NRG3: variants seen among roughly 807,000 people sequenced by gnomAD.
NRG3 encodes the protein neuregulin 3, also known as pro-neuregulin-3, membrane-bound isoform.
NRG3 carries 31 observed loss-of-function variants against 66.9 expected under a neutral mutation model. That is an observed-to-expected ratio of 0.46 (90% confidence interval 0.35 to 0.63). The LOEUF is 0.63. Among genes scored for constraint, NRG3 ranks in the 20% least tolerant of loss-of-function variants. The probability of loss-of-function intolerance (pLI) is 0.00; values close to 1 mark genes in which losing one functional copy is unlikely to be tolerated. For synonymous variants in NRG3, 393 were observed against 359.4 expected, an observed-to-expected ratio of 1.09 and a Z score of -1.06; for missense variants, 910 against 878.9, an observed-to-expected ratio of 1.04 and a Z score of -0.45.
In NRG3 at chr10:82,087,498, A is replaced by G. The variant is rs74593430; in HGVS notation, c.823+211335A>G. Reference sequence around the variant, plus strand: ...GCCTCTCAAGTTGTTTGTAAACTCTATTTTATAGTTACAGTCCACCCAACA... The same window carrying G: ...GCCTCTCAAGTTGTTTGTAAACTCTGTTTTATAGTTACAGTCCACCCAACA... On this transcript the variant is annotated intron_variant, in intron 1 of 8. Transcript: ENST00000372141. 2.3e-3 allele frequency among the ~76,000 whole-genome samples: 348 copies of G among 152,132 alleles called. 4 individuals are homozygous for G. Among genetic ancestry groups the G allele is most frequent in the African/African-American group, 8.1e-3 (336 of 41,470 alleles).
intron 1 of NRG3, among the ~76,000 whole-genome samples, chr10:82,159,459 C>T (rs781181532): frequency 6.6e-6 from 1 of 151,806 alleles, no homozygotes; most frequent in Non-Finnish European, 1.5e-5. Flanking sequence ...TGGACTCATC[C>T]TTTAGGATTT....
chr10:82,182,869 A>AT (rs2073531598), intron 1 of NRG3, among the ~76,000 whole-genome samples: 1 of 151,864 alleles, frequency 6.6e-6, no homozygotes, highest in Non-Finnish European at 1.5e-5. Flanking sequence ...ACATACCTTC[A>AT]TTTTTTAAGG....
intron 1 of NRG3, among the ~76,000 whole-genome samples, chr10:82,049,836 C>T (rs1255028088): frequency 6.6e-6 from 1 of 151,906 alleles, no homozygotes; most frequent in African/African-American, 2.4e-5. Flanking sequence ...TGTGACCCTG[C>T]TGGTTTGAGA....
intron 2 of NRG3, among the ~76,000 whole-genome samples, chr10:82,506,485 A>C (rs1844691222): frequency 6.6e-6 from 1 of 151,986 alleles, no homozygotes; most frequent in Non-Finnish European, 1.5e-5. Context: ...CACAAATGCC[A>C]CTGCTTGGGG....
rs76060969 is a variant in NRG3 at position 82,767,726 on chromosome 10, A to G, written c.1027+29076A>G. On this transcript the variant is annotated intron_variant, in intron 3 of 8. Transcript: ENST00000372141. The stretch of plus-strand genomic sequence containing the variant: ...TTTATTTATTCTTTTTATCTTAACT[A>G]TAACACTGTAAATTCCAAGATATCA... Among the ~76,000 whole-genome samples, 1,071 of 152,132 alleles carry G rather than the reference A, an allele frequency of 7.0e-3. 10 individuals are homozygous for G. Among genetic ancestry groups the G allele is most frequent in the African/African-American group, 0.024 (994 of 41,524 alleles).
intron 1 of NRG3, among the ~76,000 whole-genome samples, chr10:81,936,467 T>C (rs1847880921): frequency 6.6e-6 from 1 of 152,076 alleles, no homozygotes; most frequent in African/African-American, 2.4e-5. Flanking sequence ...TGTATTCTGA[T>C]AACTGTGAAA....
chr10:81,875,886 C>G lies in NRG3; in HGVS notation c.546C>G (p.Thr182=), dbSNP rs367649220. 6.2e-7 allele frequency: 1 copy of G among 1,612,036 alleles called. No homozygotes were observed. The highest frequency in any genetic ancestry group is 1.1e-5 in the South Asian group (1 of 91,060). The change falls in exon 1 of 9, where the codon ACC becomes ACG. Residue 182 remains threonine, a synonymous_variant. Coordinates refer to ENST00000372141, the MANE Select transcript of NRG3 (RefSeq NM_001010848.4). The surrounding 1 kb of genome is among the most constrained non-coding windows in gnomAD (Gnocchi z 5.3). ...RVPIRASPRS[T]TARNTAAPAT... ...CCATCCGGGCCAGCCCGCGCTCCAC[C>G]ACAGCACGGAACACTGCGGCCCCTG...
At chr10:82,740,678 G>A (rs574021409) in intron 3 of NRG3, among the ~76,000 whole-genome samples, 46 of 151,732 alleles carry the variant, frequency 3.0e-4, no homozygotes, top group Non-Finnish European at 4.9e-4. Context: ...ACAAAAATTA[G>A]CCTGGTATGG....
intron 3 of NRG3, among the ~76,000 whole-genome samples, chr10:82,830,420 C>A (rs1401327010): frequency 6.6e-6 from 1 of 152,106 alleles, no homozygotes; most frequent in Non-Finnish European, 1.5e-5. Context: ...AAACCACAGG[C>A]TAAGTCTGAG....
intron 3 of NRG3, among the ~76,000 whole-genome samples, chr10:82,747,331 A>G (rs1254907119): frequency 6.6e-6 from 1 of 152,040 alleles, no homozygotes; most frequent in Non-Finnish European, 1.5e-5. Flanking sequence ...GCCTGCTTAC[A>G]GTGATTAACA....
intron 2 of NRG3, among the ~76,000 whole-genome samples, chr10:82,668,317 C>G (rs1438982143): frequency 6.6e-6 from 1 of 152,130 alleles, no homozygotes; most frequent in Non-Finnish European, 1.5e-5. Flanking sequence ...CTTAAATGAT[C>G]CTGAATGTGG....
chr10:82,601,129 C>A (rs1590830189), intron 2 of NRG3, among the ~76,000 whole-genome samples: 1 of 152,134 alleles, frequency 6.6e-6, no homozygotes, highest in African/African-American at 2.4e-5. Flanking sequence ...TGATTTTATT[C>A]TTTTTTATGG....
chr10:82,476,058 C>G (rs1841750644), intron 2 of NRG3, among the ~76,000 whole-genome samples: 1 of 151,900 alleles, frequency 6.6e-6, no homozygotes, highest in Admixed American at 6.6e-5. Flanking sequence ...AGAAAATATC[C>G]AAATGGCCAA....
intron 2 of NRG3, among the ~76,000 whole-genome samples, chr10:82,668,087 C>G (rs919460764): frequency 2.0e-5 from 3 of 152,058 alleles, no homozygotes; most frequent in Non-Finnish European, 2.9e-5. Flanking sequence ...TTCTTTCTTC[C>G]TTTCTCTTTT....
chr10:82,337,831 A>T (rs2082468119), intron 1 of NRG3, among the ~76,000 whole-genome samples: 1 of 152,238 alleles, frequency 6.6e-6, no homozygotes, highest in African/African-American at 2.4e-5. Flanking sequence ...GATAAAATTT[A>T]TATTGACTGC....
At chr10:81,990,318 G>T (rs2060691588) in intron 1 of NRG3, among the ~76,000 whole-genome samples, 1 of 152,144 alleles carries the variant, frequency 6.6e-6, no homozygotes, top group African/African-American at 2.4e-5. Flanking sequence ...TAAAAGTGGA[G>T]AATTTGAAGA....
chr10:82,133,162 G>C (rs528179396), intron 1 of NRG3, among the ~76,000 whole-genome samples: 4 of 150,606 alleles, frequency 2.7e-5, no homozygotes, highest in African/African-American at 9.7e-5. Flanking sequence ...TTGTTTATTT[G>C]AAATTTTTCT....
At chr10:82,801,062 A>G (rs1209814351) in intron 3 of NRG3, among the ~76,000 whole-genome samples, 1 of 152,238 alleles carries the variant, frequency 6.6e-6, no homozygotes, top group Non-Finnish European at 1.5e-5. Flanking sequence ...AAATAGTGGT[A>G]TAGTGAATGC....
intron 2 of NRG3, among the ~76,000 whole-genome samples, chr10:82,407,814 T>C (rs557422424): frequency 1.6e-4 from 25 of 152,208 alleles, no homozygotes; most frequent in Admixed American, 1.4e-3. Flanking sequence ...CTCATGCCTA[T>C]AATCCCAGCA....
Sources: gnomAD v4.1 joint callset for allele counts (sites outside exome capture counted in the v4.1 genomes callset) on GRCh38, gnomAD v4.1.1 for gene constraint, Gnocchi (gnomAD v3.1) non-coding constraint, MANE v1.5 for transcripts, NCBI Gene and HGNC (gene_info 2026-07-23, HGNC 2026-07-21) for gene names.